The following ALKAL1 variants were observed in gnomAD, a reference collection of about 807,000 sequenced individuals.
The protein encoded by ALKAL1 is AUG-beta.
In ALKAL1, 23 loss-of-function variants were observed where a neutral mutation model predicts 13.5. The observed-to-expected ratio is 1.70, with a 90% CI of 1.23 to 2.41. ALKAL1 has a LOEUF of 2.41. ALKAL1 is among the 30% of genes most tolerant of loss of function. ALKAL1 has a pLI of 0.00. For missense variants in ALKAL1, 181 were observed against 178.4 expected (o/e 1.01, Z -0.08); for synonymous variants, 85 against 77.7 (o/e 1.09, Z -0.49).
chr8:52,547,267 GCAGGTGGA>G (rs1847379321), intron 1 of ALKAL1, among the ~76,000 whole-genome samples: 1 of 152,136 alleles, frequency 6.6e-6, no homozygotes, highest in South Asian at 2.1e-4. Context: ...GGAGGCTGAG[GCAGGTGGA>G]TCACCTGAGG....
intron 1 of ALKAL1, among the ~76,000 whole-genome samples, chr8:52,556,847 T>G (rs1285763355): frequency 6.6e-6 from 1 of 152,134 alleles, no homozygotes; most frequent in East Asian, 1.9e-4. Context: ...GCTATATCTA[T>G]AAAGAATTCT....
chr8:52,539,981 A>T, intron 2 of ALKAL1, 70 bp from the exon 3 acceptor site: 1 of 1,333,654 alleles, frequency 7.5e-7, no homozygotes, highest in Non-Finnish European at 1.1e-6. Context: ...CTAGCACTTT[A>T]TGGGTGGATA....
chr8:52,564,547 T>C (rs759932312), intron 1 of ALKAL1, among the ~76,000 whole-genome samples: 6 of 152,080 alleles, frequency 3.9e-5, no homozygotes, highest in Non-Finnish European at 8.8e-5. Context: ...CCTTCTAAAA[T>C]GATCTAGGAA....
chr8:52,547,171 C>T (rs1740699047), intron 1 of ALKAL1, among the ~76,000 whole-genome samples: 3 of 152,016 alleles, frequency 2.0e-5, no homozygotes, highest in Non-Finnish European at 2.9e-5. Context: ...AGTTTTTGAT[C>T]CACAAAATAT....
intron 1 of ALKAL1, among the ~76,000 whole-genome samples, chr8:52,560,130 C>A (rs13272763): frequency 0.49 from 75,000 of 151,822 alleles, 18,686 homozygotes; most frequent in African/African-American, 0.51. Flanking sequence ...AAGAAAAAAA[C>A]GCTATCTGTG....
At chr8:52,543,816 A>G (rs547469725) in intron 1 of ALKAL1, among the ~76,000 whole-genome samples, 1 of 152,156 alleles carries the variant, frequency 6.6e-6, no homozygotes, top group African/African-American at 2.4e-5. Flanking sequence ...AGTACAGCAG[A>G]AGCACCTACT....
chr8:52,556,958 AC>A (rs1291686477), intron 1 of ALKAL1, among the ~76,000 whole-genome samples: 1 of 152,076 alleles, frequency 6.6e-6, no homozygotes, highest in East Asian at 1.9e-4. Context: ...ACAGAGTATG[AC>A]TCCTACCCTG....
intron 1 of ALKAL1, among the ~76,000 whole-genome samples, chr8:52,563,076 G>A (rs1165844004): frequency 1.3e-5 from 2 of 152,168 alleles, no homozygotes; most frequent in East Asian, 3.9e-4. Flanking sequence ...TGCCCACAGG[G>A]CACTTTCTGT....
intron 1 of ALKAL1, among the ~76,000 whole-genome samples, chr8:52,554,909 C>G (rs1357606245): frequency 6.6e-6 from 1 of 152,170 alleles, no homozygotes; most frequent in Admixed American, 6.5e-5. Flanking sequence ...CGGTGGCTCA[C>G]GCCTGTAATC....
At chr8:52,535,854 A>T (rs763994083) in intron 4 of ALKAL1, among the ~76,000 whole-genome samples, 13 of 152,302 alleles carry the variant, frequency 8.5e-5, no homozygotes, top group Middle Eastern at 6.8e-3. Context: ...GTAAATCTCC[A>T]TGCAGTTATG....
intron 1 of ALKAL1, among the ~76,000 whole-genome samples, chr8:52,559,152 C>T (rs1381297030): frequency 6.6e-6 from 1 of 152,194 alleles, no homozygotes; most frequent in Non-Finnish European, 1.5e-5. Context: ...CATTAGCCTC[C>T]ACCTCCAACA....
At chr8:52,562,987 C>G (rs1274673347) in intron 1 of ALKAL1, among the ~76,000 whole-genome samples, 2 of 152,212 alleles carry the variant, frequency 1.3e-5, no homozygotes, top group African/African-American at 4.8e-5. Flanking sequence ...CATGAGCCAC[C>G]CTTTTCTCCC....
At chr8:52,558,729 TA>T (rs1198555431) in intron 1 of ALKAL1, among the ~76,000 whole-genome samples, 1 of 151,890 alleles carries the variant, frequency 6.6e-6, no homozygotes, top group Non-Finnish European at 1.5e-5. Flanking sequence ...ATGCCTAATT[TA>T]AAAAAAATTT....
At chr8:52,554,885 G>A (rs1263528980) in intron 1 of ALKAL1, among the ~76,000 whole-genome samples, 1 of 152,170 alleles carries the variant, frequency 6.6e-6, no homozygotes, top group Non-Finnish European at 1.5e-5. Flanking sequence ...GATAAAGGCC[G>A]ACAGGGCCGG....
intron 1 of ALKAL1, among the ~76,000 whole-genome samples, chr8:52,552,176 A>G (rs1047741591): frequency 8.6e-5 from 13 of 151,996 alleles, no homozygotes; most frequent in Non-Finnish European, 4.4e-5. Flanking sequence ...AGTCTTTGTC[A>G]GGTATGTTGT....
intron 2 of ALKAL1, among the ~76,000 whole-genome samples, 180 bp downstream of exon 2, chr8:52,542,212 T>C (rs1296309209): frequency 6.6e-6 from 1 of 152,198 alleles, no homozygotes; most frequent in African/African-American, 2.4e-5. Context: ...ATACTTCTAT[T>C]ACTTATTAAG....
intron 1 of ALKAL1, among the ~76,000 whole-genome samples, chr8:52,550,372 G>A (rs1847417621): frequency 6.6e-6 from 1 of 152,174 alleles, no homozygotes; most frequent in African/African-American, 2.4e-5. Context: ...TATTTTACTG[G>A]AACACAGTAT....
intron 1 of ALKAL1, among the ~76,000 whole-genome samples, chr8:52,547,796 C>G (rs539818628): frequency 2.0e-5 from 3 of 152,136 alleles, no homozygotes; most frequent in African/African-American, 7.2e-5. Context: ...GAGACCAGCC[C>G]AGGCAACATA....
In ALKAL1 at chr8:52,539,923, GA is replaced by G; in HGVS notation, c.245-13del. The stretch of plus-strand genomic sequence containing the variant: ...AAATGTGACCGGCCCTAGAGCACAG[GA>G]AAAGAATGCTTATTATAAACATAGG... On this transcript the variant is annotated splice_polypyrimidine_tract_variant and intron_variant, in intron 2 of 4. Coordinates refer to ENST00000358543, the MANE Select transcript of ALKAL1 (RefSeq NM_207413.4). 6.2e-7 allele frequency: 1 copy of G among 1,603,694 alleles called. No individual in the cohort carries two copies. The highest frequency in any genetic ancestry group is 1.7e-5 in the Admixed American group (1 of 58,706).
Sources: gnomAD v4.1 joint callset for allele counts (sites outside exome capture counted in the v4.1 genomes callset) on GRCh38, gnomAD v4.1.1 for gene constraint, MANE v1.5 for transcripts, NCBI Gene and HGNC (gene_info 2026-07-23, HGNC 2026-07-21) for gene names.